Variants in CAB39 observed in about 807,000 individuals in gnomAD.
The protein encoded by CAB39 is calcium-binding protein 39.
Under a neutral mutation model 40.0 loss-of-function variants are expected in CAB39, and 8 were observed. That is an observed-to-expected ratio of 0.20 (90% CI 0.12 to 0.36). The LOEUF (loss-of-function observed/expected upper bound fraction) is 0.36. CAB39 is among the 10% of genes least tolerant of loss of function. The pLI is 1.00. For missense variants in CAB39, 270 were observed against 401.1 expected, an observed-to-expected ratio of 0.67 and a Z score of 2.79; for synonymous variants, 156 against 141.6, an observed-to-expected ratio of 1.10 and a Z score of -0.72.
chr2:230,770,612 C>T (rs1459868227), intron 2 of CAB39, among the ~76,000 whole-genome samples: 2 of 152,132 alleles, frequency 1.3e-5, no homozygotes, highest in African/African-American at 2.4e-5. Flanking sequence ...TTATAATCAT[C>T]GCCAAATCAG....
intron 1 of CAB39, among the ~76,000 whole-genome samples, chr2:230,741,181 G>A (rs756069653): frequency 6.6e-6 from 1 of 152,204 alleles, no homozygotes; most frequent in African/African-American, 2.4e-5. Flanking sequence ...GCTGACTATG[G>A]TAATTGTGGT....
rs543388235 is a variant in CAB39, at chr2:230,716,724, G to T, written c.-44+3494G>T. Among the ~76,000 whole-genome samples the T allele has an allele frequency of 2.4e-4, 37 of 152,318 alleles. No individual in the cohort carries two copies. The South Asian group carries it at 7.7e-3, about 32-fold the overall frequency. On this transcript the variant is annotated intron_variant, in intron 1 of 8. Transcript: ENST00000258418. ...CAGCCCTATTTTAAAAGGTCAGGCC[G>T]AGCGGGGTAGCTCACTCCTATAATC...
At chr2:230,750,058 G>A (rs138008114) in intron 1 of CAB39, among the ~76,000 whole-genome samples, 253 of 152,190 alleles carry the variant, frequency 1.7e-3, no homozygotes, top group African/African-American at 5.6e-3. Flanking sequence ...TTGTAGGAAC[G>A]AACAAATGGA....
At chr2:230,773,348 G>GTGTGTGTGTGTGTA (rs1695526256) in intron 2 of CAB39, among the ~76,000 whole-genome samples, 2 of 150,050 alleles carry the variant, frequency 1.3e-5, no homozygotes, top group African/African-American at 4.9e-5. Flanking sequence ...GTGTGTGTGT[G>GTGTGTGTGTGTGTA]TTACATTAGG....
At chr2:230,741,047 T>TGA (rs1491586588) in intron 1 of CAB39, among the ~76,000 whole-genome samples, 2 of 152,350 alleles carry the variant, frequency 1.3e-5, no homozygotes, top group African/African-American at 4.8e-5. Flanking sequence ...CACCACACTC[T>TGA]GAGAGGAGCA....
intron 1 of CAB39, among the ~76,000 whole-genome samples, chr2:230,734,285 A>T (rs1314979428): frequency 6.6e-6 from 1 of 152,154 alleles, no homozygotes; most frequent in Non-Finnish European, 1.5e-5. Context: ...TCGCCCCTTG[A>T]TCTCTGTGCA....
At chr2:230,802,556 TA>T (rs1163008711) in intron 5 of CAB39, among the ~76,000 whole-genome samples, 1 of 151,822 alleles carries the variant, frequency 6.6e-6, no homozygotes, top group Admixed American at 6.6e-5. Context: ...ATAGACGCAA[TA>T]AAAAATGATA....
chr2:230,765,947 T>C (rs1695378160), intron 2 of CAB39, among the ~76,000 whole-genome samples: 1 of 152,188 alleles, frequency 6.6e-6, no homozygotes, highest in African/African-American at 2.4e-5. Context: ...AAAATAAATT[T>C]TAGTTCAAAG....
intron 2 of CAB39, among the ~76,000 whole-genome samples, chr2:230,766,695 A>G (rs1200497039): frequency 6.6e-6 from 1 of 152,068 alleles, no homozygotes; most frequent in Non-Finnish European, 1.5e-5. Flanking sequence ...TGTTTGGCAA[A>G]TTTTTCTATT....
At chr2:230,746,844 A>T (rs1160975165) in intron 1 of CAB39, among the ~76,000 whole-genome samples, 2 of 152,212 alleles carry the variant, frequency 1.3e-5, no homozygotes, top group Non-Finnish European at 1.5e-5. Flanking sequence ...TGGCAAATGT[A>T]TCTGGGGTCT....
At chr2:230,741,437 G>A (rs557478981) in intron 1 of CAB39, among the ~76,000 whole-genome samples, 6 of 152,274 alleles carry the variant, frequency 3.9e-5, no homozygotes, top group Non-Finnish European at 7.3e-5. Flanking sequence ...TTGATACTTC[G>A]TCAGTTTACT....
intron 5 of CAB39, among the ~76,000 whole-genome samples, chr2:230,802,264 G>A (rs1696103553): frequency 6.6e-6 from 1 of 152,198 alleles, no homozygotes. Flanking sequence ...ATTTAAAACA[G>A]TGTGTAGAGG....
intron 4 of CAB39, among the ~76,000 whole-genome samples, chr2:230,794,246 G>A (rs976488769): frequency 6.6e-6 from 1 of 152,220 alleles, no homozygotes; most frequent in Admixed American, 6.5e-5. Context: ...GTGAGTCAGT[G>A]CCTGTGTTGC....
chr2:230,760,679 T>A (rs966406918), intron 2 of CAB39, among the ~76,000 whole-genome samples: 1 of 152,236 alleles, frequency 6.6e-6, no homozygotes, highest in African/African-American at 2.4e-5. Flanking sequence ...CCTGGTTTTC[T>A]TCCTGTATTC....
chr2:230,771,670 A>C (rs1292244154), intron 2 of CAB39, among the ~76,000 whole-genome samples: 1 of 152,226 alleles, frequency 6.6e-6, no homozygotes, highest in Non-Finnish European at 1.5e-5. Flanking sequence ...TAATTAAAAC[A>C]AAGTTGGAGG....
At chr2:230,785,285 G>T (rs372007149) in intron 2 of CAB39, among the ~76,000 whole-genome samples, 2 of 151,542 alleles carry the variant, frequency 1.3e-5, no homozygotes, top group African/African-American at 4.8e-5. Flanking sequence ...TGAAGAGTGA[G>T]TGAGGAAAAA....
chr2:230,743,605 CTTTA>C (rs1694921534), intron 1 of CAB39, among the ~76,000 whole-genome samples: 1 of 152,112 alleles, frequency 6.6e-6, no homozygotes, highest in Non-Finnish European at 1.5e-5. Context: ...TTAAACTTGA[CTTTA>C]TTTATGATGT....
intron 1 of CAB39, chr2:230,725,034 G>GGTGA (rs1694536833): frequency 9.1e-6 from 12 of 1,325,940 alleles, no homozygotes; most frequent in Non-Finnish European, 1.3e-5. Context: ...GTACGTCGGA[G>GGTGA]GTGAGTACAA....
chr2:230,724,484 C>T (rs938511258), intron 1 of CAB39, among the ~76,000 whole-genome samples: 5 of 151,946 alleles, frequency 3.3e-5, no homozygotes, highest in Non-Finnish European at 7.4e-5. Context: ...GAGTTCGAGA[C>T]CAGCCTGACC....
Sources: allele counts gnomAD v4.1 joint callset (sites outside exome capture counted in the v4.1 genomes callset), GRCh38; gene constraint gnomAD v4.1.1; transcripts MANE v1.5; gene names NCBI Gene and HGNC (gene_info 2026-07-23, HGNC 2026-07-21).